Variants in CFH observed in about 807,000 individuals in gnomAD.
CFH encodes H factor 1 (complement).
CFH carries 53 observed loss-of-function variants against 147.3 expected under a neutral mutation model. The observed-to-expected ratio is 0.36, with a 90% CI of 0.29 to 0.45. The LOEUF (loss-of-function observed/expected upper bound fraction) is 0.45, where lower values mean the gene tolerates loss of function less well. Ranked by LOEUF, CFH falls within the 20% of genes least tolerant of loss-of-function variation. The pLI is 1.00. For missense variants in CFH, 1,380 were observed against 1,498.0 expected, an observed-to-expected ratio of 0.92 and a Z score of 1.30; for synonymous variants, 536 against 489.4, an observed-to-expected ratio of 1.10 and a Z score of -1.26.
At position 196,728,475 on chromosome 1, in the gene CFH, A is replaced by G. The variant is rs1669201987; in HGVS notation, c.2366A>G (p.His789Arg). The G allele has an allele frequency of 6.2e-7, 1 of 1,612,926 alleles. No homozygotes were observed. Among genetic ancestry groups the G allele is most frequent in the Non-Finnish European group, 8.5e-7 (1 of 1,179,250 alleles). The stretch of plus-strand genomic sequence containing the variant: ...TGTAGAGGAAAAGAAGGATGGATAC[A>G]CACAGTCTGCATAAATGGAAGATGG... ...YRCRGKEGWI[H>R]TVCINGRWDP... Residue 789 changes from histidine (H) to arginine (R), a missense_variant, in exon 15 of 22, where the codon CAC (histidine) becomes CGC (arginine). Around this residue, in one of 4 missense-constraint regions of CFH, gnomAD observed 830 missense variants for 821.4 expected, o/e 1.01. Transcript: ENST00000367429.
chr1:196,698,753 C>T (rs187813307), intron 9 of CFH, among the ~76,000 whole-genome samples: 1 of 152,142 alleles, frequency 6.6e-6, no homozygotes, highest in Admixed American at 6.6e-5. Flanking sequence ...GATACCAAAA[C>T]CTGGCAGAGA....
intron 9 of CFH, among the ~76,000 whole-genome samples, chr1:196,692,742 TTCTTTTTCTTTCTTTCTTTCTTTC>T (rs1668085107): frequency 6.8e-6 from 1 of 147,478 alleles, no homozygotes; most frequent in African/African-American, 2.5e-5. Context: ...TTCCCTTCCT[TTCTTTTTCTTTCTTTCTTTCTTTC>T]TTTCTTTCTT....
At chr1:196,715,439 G>A (rs1015795046) in intron 10 of CFH, among the ~76,000 whole-genome samples, 154 bp from the exon 11 acceptor site, 1 of 151,934 alleles carries the variant, frequency 6.6e-6, no homozygotes, top group African/African-American at 2.4e-5. Context: ...ACTATTTTAC[G>A]ACAACAAATT....
rs1353856348 is a variant in CFH, at chr1:196,697,809, A to G, written c.1336+7570A>G. Among the ~76,000 whole-genome samples the G allele has an allele frequency of 6.6e-5, 10 of 151,988 alleles. 1 individual carries two copies. The highest frequency in any genetic ancestry group is 1.9e-4 in the East Asian group (1 of 5,160). On this transcript the variant is annotated intron_variant, in intron 9 of 21. Transcript: ENST00000367429. ...AGAAAATGTGGCACATATACACCAT[A>G]GAATACTATGCAGCCATAAAAAAGA... is the stretch of plus-strand genomic sequence containing the variant.
intron 1 of CFH, among the ~76,000 whole-genome samples, chr1:196,658,500 C>T (rs1198711824): frequency 6.7e-6 from 1 of 149,520 alleles, no homozygotes; most frequent in Non-Finnish European, 1.5e-5. Context: ...CAAGCTCCGC[C>T]TCCCGGGTTC....
At chr1:196,652,901 G>T (rs1277383610) in intron 1 of CFH, among the ~76,000 whole-genome samples, 26 of 151,688 alleles carry the variant, frequency 1.7e-4, no homozygotes, top group African/African-American at 5.3e-4. Flanking sequence ...TTATATCACT[G>T]CTTCTTGATA....
At position 196,740,735 on chromosome 1, in the gene CFH, G is replaced by A; in HGVS notation, c.2899G>A (p.Gly967Arg). 1 of 1,613,908 alleles carries A rather than the reference G, an allele frequency of 6.2e-7. No individual in the cohort carries two copies. The highest frequency in any genetic ancestry group is 8.5e-7 in the Non-Finnish European group (1 of 1,179,938). ...ATGTTTTGAAGGTTTTGGAATTGAT[G>A]GGCCTGCAATTGCAAAATGCTTAGG... ...YKCFEGFGID[G>R]PAIAKCLGEK... The change falls in exon 18 of 22, where the codon GGG becomes AGG. Residue 967 changes from glycine to arginine, a missense_variant. Gly to Arg is a moderately radical substitution (Grantham distance 125). Transcript: ENST00000367429.
At chr1:196,703,982 C>CAAAAAAAA (rs386369224) in intron 9 of CFH, among the ~76,000 whole-genome samples, 1 of 60,600 alleles carries the variant, frequency 1.7e-5, no homozygotes, top group Non-Finnish European at 2.9e-5. Flanking sequence ...AAGACTCTGT[C>CAAAAAAAA]AAAAAAAAAA....
intron 1 of CFH, among the ~76,000 whole-genome samples, chr1:196,658,231 A>C (rs1196848329): frequency 6.6e-6 from 1 of 151,830 alleles, no homozygotes; most frequent in African/African-American, 2.4e-5. Context: ...GCTAAAAAAA[A>C]ACTTGATTTT....
At chr1:196,686,409 A>T (rs1269031799) in intron 7 of CFH, among the ~76,000 whole-genome samples, 1 of 152,068 alleles carries the variant, frequency 6.6e-6, no homozygotes, top group Non-Finnish European at 1.5e-5. Flanking sequence ...AAAAATCATC[A>T]CATGTAGCAA....
chr1:196,720,261 G>C (rs1668968514), intron 11 of CFH, among the ~76,000 whole-genome samples: 1 of 151,842 alleles, frequency 6.6e-6, no homozygotes, highest in Admixed American at 6.6e-5. Context: ...TTTATGATGT[G>C]TTCTTTTATT....
At chr1:196,695,420 T>C (rs943720609) in intron 9 of CFH, among the ~76,000 whole-genome samples, 3 of 152,170 alleles carry the variant, frequency 2.0e-5, no homozygotes, top group Admixed American at 1.3e-4. Flanking sequence ...TCTTGTAGTA[T>C]AGTTTGAAAT....
At chr1:196,652,853 C>G (rs1252121843) in intron 1 of CFH, among the ~76,000 whole-genome samples, 1 of 151,438 alleles carries the variant, frequency 6.6e-6, no homozygotes, top group Non-Finnish European at 1.5e-5. Flanking sequence ...TTTTTCTGAC[C>G]TCAGTAAGAC....
chr1:196,711,477 T>A (rs1383059005), intron 9 of CFH, among the ~76,000 whole-genome samples: 3 of 152,102 alleles, frequency 2.0e-5, no homozygotes, highest in Non-Finnish European at 2.9e-5. Flanking sequence ...GATTTTTTTT[T>A]AACTCCATTC....
chr1:196,718,527 G>T (rs1272592504), intron 11 of CFH, among the ~76,000 whole-genome samples: 1 of 152,076 alleles, frequency 6.6e-6, no homozygotes, highest in Non-Finnish European at 1.5e-5. Context: ...AACATTGGAA[G>T]AGTAGGCATG....
chr1:196,691,948 T>C (rs1423172675), intron 9 of CFH, among the ~76,000 whole-genome samples: 4 of 152,054 alleles, frequency 2.6e-5, no homozygotes, highest in South Asian at 2.1e-4. Flanking sequence ...TTAAATGAAA[T>C]ATGGTAAACT....
chr1:196,655,740 A>G (rs1341933045), intron 1 of CFH, among the ~76,000 whole-genome samples: 3 of 152,186 alleles, frequency 2.0e-5, no homozygotes, highest in African/African-American at 7.2e-5. Context: ...TGCTCAGTTA[A>G]CTAACGTGTA....
At chr1:196,703,586 CTAAACTTTCCTCAGAAA>C (rs1668513564) in intron 9 of CFH, among the ~76,000 whole-genome samples, 1 of 152,058 alleles carries the variant, frequency 6.6e-6, no homozygotes, top group South Asian at 2.1e-4. Context: ...ATCTGGTGGT[CTAAACTTTCCTCAGAAA>C]TAATGAAGGT....
chr1:196,676,481 A>G (rs1337081282), intron 4 of CFH, among the ~76,000 whole-genome samples: 1 of 152,026 alleles, frequency 6.6e-6, no homozygotes, highest in Non-Finnish European at 1.5e-5. Context: ...ACCTCCCACT[A>G]AGGGAGGTTG....
Sources: gnomAD v4.1 joint callset for allele counts (sites outside exome capture counted in the v4.1 genomes callset) on GRCh38, gnomAD v4.1.1 for gene constraint, gnomAD v4.1.1 regional missense constraint, MANE v1.5 for transcripts, NCBI Gene and HGNC (gene_info 2026-07-23, HGNC 2026-07-21) for gene names.